The following SEMA6D variants were observed in gnomAD, a reference collection of about 807,000 sequenced individuals.
The protein encoded by SEMA6D is semaphorin-6D.
A neutral mutation model predicts 106.6 loss-of-function variants in SEMA6D; 35 were observed. That is an observed-to-expected ratio of 0.33 (90% CI 0.25 to 0.44). The LOEUF (loss-of-function observed/expected upper bound fraction) is 0.44, where lower values mean the gene tolerates loss of function less well. Ranked by LOEUF, SEMA6D falls within the 20% of genes least tolerant of loss-of-function variation. SEMA6D has a pLI of 1.00. For missense variants in SEMA6D, 1,185 were observed against 1,345.9 expected (o/e 0.88, Z 1.87); for synonymous variants, 499 against 487.7 (o/e 1.02, Z -0.31).
At chr15:47,641,217 G>A (rs1025357683) in intron 4 of SEMA6D, among the ~76,000 whole-genome samples, 1 of 149,672 alleles carries the variant, frequency 6.7e-6, no homozygotes, top group Non-Finnish European at 1.5e-5. Flanking sequence ...CCAGCAGCAG[G>A]ACAGCAGGAA....
chr15:47,297,264 T>C (rs2035841047), intron 1 of SEMA6D, among the ~76,000 whole-genome samples: 1 of 152,234 alleles, frequency 6.6e-6, no homozygotes, highest in Admixed American at 6.5e-5. Context: ...TCTCAATTGC[T>C]TTATAAAACA....
At chr15:47,285,238 GTC>G (rs75446452) in intron 1 of SEMA6D, among the ~76,000 whole-genome samples, 98 of 150,370 alleles carry the variant, frequency 6.5e-4, no homozygotes, top group African/African-American at 2.0e-3. Flanking sequence ...CCCCCACTCT[GTC>G]TCTCTCTCTC....
chr15:47,431,386 C>T (rs1249750270), intron 2 of SEMA6D, among the ~76,000 whole-genome samples: 2 of 152,126 alleles, frequency 1.3e-5, no homozygotes, highest in Non-Finnish European at 2.9e-5. Context: ...GTTCCCTTCC[C>T]ATTTCAAACA....
At chr15:47,296,920 T>G (rs938853824) in intron 1 of SEMA6D, among the ~76,000 whole-genome samples, 8 of 152,176 alleles carry the variant, frequency 5.3e-5, no homozygotes, top group African/African-American at 1.7e-4. Context: ...AAACATCATC[T>G]TTACATTTCG....
intron 3 of SEMA6D, among the ~76,000 whole-genome samples, chr15:47,526,955 T>G (rs767776029): frequency 2.9e-4 from 44 of 152,146 alleles, no homozygotes; most frequent in Non-Finnish European, 5.7e-4. Flanking sequence ...GTCAGGCTGA[T>G]CTCGAACTCC....
intron 3 of SEMA6D, among the ~76,000 whole-genome samples, chr15:47,552,531 C>T (rs1410814012): frequency 1.6e-4 from 20 of 128,532 alleles, no homozygotes; most frequent in Non-Finnish European, 2.2e-4. Flanking sequence ...TGTATACACA[C>T]ACACACACAC....
chr15:47,481,618 A>G (rs1373136822), intron 3 of SEMA6D, among the ~76,000 whole-genome samples: 1 of 152,156 alleles, frequency 6.6e-6, no homozygotes, highest in Non-Finnish European at 1.5e-5. Context: ...TGACAGTCCC[A>G]TCACCTCCAA....
intron 3 of SEMA6D, among the ~76,000 whole-genome samples, chr15:47,556,194 A>G (rs1474317583): frequency 6.6e-6 from 1 of 152,178 alleles, no homozygotes; most frequent in East Asian, 1.9e-4. Context: ...ACAACACCAT[A>G]ATAGCTTTAA....
At chr15:47,414,486 C>T (rs80024634) in intron 2 of SEMA6D, among the ~76,000 whole-genome samples, 2,777 of 152,220 alleles carry the variant, frequency 0.018, 101 homozygotes, top group African/African-American at 0.064. Context: ...TGTGATTGGC[C>T]TTAATGAAAT....
chr15:47,232,113 C>T (rs1267419789), intron 1 of SEMA6D, among the ~76,000 whole-genome samples: 1 of 151,904 alleles, frequency 6.6e-6, no homozygotes, highest in Non-Finnish European at 1.5e-5. Flanking sequence ...AATATGTGGC[C>T]TTTTGTGTCT....
intron 4 of SEMA6D, among the ~76,000 whole-genome samples, chr15:47,626,259 C>T (rs1286095755): frequency 1.3e-5 from 2 of 152,128 alleles, no homozygotes; most frequent in Non-Finnish European, 2.9e-5. Flanking sequence ...CCCAAATGTC[C>T]AAGGACAGAA....
chr15:47,340,172 A>G (rs1332074658), intron 1 of SEMA6D, among the ~76,000 whole-genome samples: 3 of 152,162 alleles, frequency 2.0e-5, no homozygotes, highest in African/African-American at 7.2e-5. Flanking sequence ...GGAGCAGAGT[A>G]GGCAGAGAAG....
intron 4 of SEMA6D, among the ~76,000 whole-genome samples, chr15:47,608,756 G>C (rs2666555): frequency 0.18 from 27,770 of 151,956 alleles, 2,908 homozygotes; most frequent in African/African-American, 0.26. Context: ...AAAATCTGAA[G>C]TATATGTATT....
intron 1 of SEMA6D, among the ~76,000 whole-genome samples, chr15:47,401,133 A>G (rs747314143): frequency 1.2e-4 from 18 of 152,222 alleles, no homozygotes; most frequent in Non-Finnish European, 2.2e-4. Flanking sequence ...CATGCCCAAT[A>G]GGTAGTAAAT....
At chr15:47,200,454 C>A (rs1339144105) in intron 1 of SEMA6D, among the ~76,000 whole-genome samples, 1 of 152,040 alleles carries the variant, frequency 6.6e-6, no homozygotes, top group Non-Finnish European at 1.5e-5. Flanking sequence ...CTGTTGGGAA[C>A]AAAATATGTA....
intron 1 of SEMA6D, among the ~76,000 whole-genome samples, chr15:47,241,830 A>G (rs551188019): frequency 6.6e-6 from 1 of 152,254 alleles, no homozygotes; most frequent in East Asian, 1.9e-4. Flanking sequence ...AATCTAAAAG[A>G]ACTTACCTAG....
At position 47,742,964 on chromosome 15, in the gene SEMA6D, C is replaced by G. The variant is rs554155978; in HGVS notation, c.-54-16781C>G. On this transcript the variant is annotated intron_variant, in intron 1 of 18. Transcript: ENST00000536845. Reference sequence around the variant, plus strand: ...CAAAGATAATTAGGCTAATTTCTCTCAATCTTTTCACCAATGTTTATCCTG... The same window carrying G: ...CAAAGATAATTAGGCTAATTTCTCTGAATCTTTTCACCAATGTTTATCCTG... Among the ~76,000 whole-genome samples the G allele has an allele frequency of 1.8e-3, 278 of 152,290 alleles. 5 individuals are homozygous for G. The highest frequency in any genetic ancestry group is 2.2e-3 in the Non-Finnish European group (149 of 68,010).
intron 1 of SEMA6D, among the ~76,000 whole-genome samples, chr15:47,223,583 G>T (rs1055613824): frequency 6.6e-4 from 76 of 115,146 alleles, no homozygotes; most frequent in African/African-American, 2.7e-3. Context: ...GCGTGTGTCA[G>T]CTGGCTCCAA....
intron 2 of SEMA6D, among the ~76,000 whole-genome samples, chr15:47,427,056 C>T (rs529288487): frequency 3.3e-5 from 5 of 152,214 alleles, no homozygotes; most frequent in South Asian, 4.1e-4. Flanking sequence ...TGTTATAAGA[C>T]GTATTTGCAT....
Sources: allele counts gnomAD v4.1 joint callset (sites outside exome capture counted in the v4.1 genomes callset), GRCh38; gene constraint gnomAD v4.1.1; transcripts MANE v1.5; gene names NCBI Gene and HGNC (gene_info 2026-07-23, HGNC 2026-07-21).